The following CREBRF variants were observed in gnomAD, a reference collection of about 807,000 sequenced individuals.
CREBRF encodes the protein UPF0474 protein C5orf41.
Under a neutral mutation model 66.1 loss-of-function variants are expected in CREBRF, and 5 were observed. That is an observed-to-expected ratio of 0.08 (90% CI 0.04 to 0.16). The LOEUF (loss-of-function observed/expected upper bound fraction) is 0.16, where lower values mean the gene tolerates loss of function less well. Ranked by LOEUF, CREBRF falls within the 10% of genes least tolerant of loss-of-function variation. The pLI, the probability that CREBRF is intolerant of heterozygous loss-of-function variation, is 1.00. For missense variants in CREBRF, 531 were observed against 744.9 expected (o/e 0.71, Z 3.34); for synonymous variants, 229 against 264.4 (o/e 0.87, Z 1.30).
intron 8 of CREBRF, among the ~76,000 whole-genome samples, chr5:173,127,966 C>T (rs1581051002): frequency 6.6e-6 from 1 of 151,960 alleles, no homozygotes; most frequent in East Asian, 1.9e-4. Flanking sequence ...TCTGTTCTCC[C>T]TTATTTCTTG....
In CREBRF at chr5:173,107,171, T is replaced by C. The variant is rs370693954; in HGVS notation, c.1223-1453T>C. On this transcript the variant is annotated intron_variant, in intron 4 of 8. Coordinates refer to ENST00000296953, the MANE Select transcript of CREBRF (RefSeq NM_153607.3). The stretch of plus-strand genomic sequence containing the variant: ...AAGCATGCTCCTGATTCATTCTTTG[T>C]CTGGAGAAAACTTAGTTCCTCAAAG... Among the ~76,000 whole-genome samples the C allele has an allele frequency of 2.0e-4, 30 of 152,354 alleles. No individual in the cohort carries two copies. The South Asian group carries it at 5.8e-3, about 29-fold the overall frequency.
At chr5:173,117,096 G>A (rs549970071) in intron 7 of CREBRF, among the ~76,000 whole-genome samples, 40 of 152,074 alleles carry the variant, frequency 2.6e-4, no homozygotes, top group African/African-American at 9.4e-4. Context: ...TCTTTATTCT[G>A]GGCCGGTCGC....
intron 7 of CREBRF, among the ~76,000 whole-genome samples, chr5:173,112,769 A>C (rs1284108791): frequency 1.3e-5 from 2 of 152,238 alleles, no homozygotes; most frequent in Non-Finnish European, 2.9e-5. Flanking sequence ...TTACTGGATT[A>C]GCCAGTTTTG....
chr5:173,091,734 T>C (rs1332148838), intron 4 of CREBRF: 1 of 1,016,406 alleles, frequency 9.8e-7, no homozygotes, highest in Non-Finnish European at 1.2e-6. Flanking sequence ...GTGACCTGTT[T>C]TGTCACTCTC....
chr5:173,077,852 A>G (rs1757812296), intron 1 of CREBRF, among the ~76,000 whole-genome samples: 1 of 152,156 alleles, frequency 6.6e-6, no homozygotes. Context: ...TATTTTACTT[A>G]CCATAATGTT....
intron 4 of CREBRF, among the ~76,000 whole-genome samples, chr5:173,106,231 C>T (rs1315744974): frequency 1.3e-5 from 2 of 151,458 alleles, no homozygotes; most frequent in African/African-American, 2.4e-5. Flanking sequence ...AGATCGAAAC[C>T]ATCCTGGCTA....
chr5:173,063,039 G>A (rs1001980822), intron 1 of CREBRF, among the ~76,000 whole-genome samples: 2 of 152,008 alleles, frequency 1.3e-5, no homozygotes, highest in African/African-American at 2.4e-5. Context: ...GAGCCACCGC[G>A]CCCAGCCTGT....
At chr5:173,070,613 C>G (rs1466629770) in intron 1 of CREBRF, among the ~76,000 whole-genome samples, 1 of 151,752 alleles carries the variant, frequency 6.6e-6, no homozygotes, top group African/African-American at 2.4e-5. Context: ...TCCTCTCTTC[C>G]CTAGATAATA....
intron 1 of CREBRF, among the ~76,000 whole-genome samples, chr5:173,076,057 C>CAAAAA (rs35215379): frequency 2.2e-5 from 2 of 92,546 alleles, no homozygotes; most frequent in African/African-American, 4.1e-5. Context: ...CCCATCTCTA[C>CAAAAA]AAAAAAAAAA....
rs112789821 is a variant in CREBRF, at chr5:173,085,549, T to TG, written c.10-949dup. On this transcript the variant is annotated intron_variant, in intron 2 of 8. Coordinates refer to ENST00000296953, the MANE Select transcript of CREBRF (RefSeq NM_153607.3). ...CTCCTACCTCAGCCTCCTGAGTAGC[T>TG]GGGATTACAGGTGCCTGCCAGCACG... is the stretch of plus-strand genomic sequence containing the variant. The TG allele has an allele frequency of 1.3e-3, 724 of 552,784 alleles. 3 individuals are homozygous for TG. Among genetic ancestry groups the TG allele is most frequent in the African/African-American group, 0.012 (619 of 52,732 alleles). The allele number at this position is 552,784 out of a possible 1,614,324, so 34.2% of individuals were successfully genotyped here.
intron 4 of CREBRF, among the ~76,000 whole-genome samples, chr5:173,104,721 G>T (rs1425312977): frequency 1.3e-5 from 2 of 148,808 alleles, no homozygotes; most frequent in African/African-American, 5.2e-5. Flanking sequence ...CAGAGAGAGA[G>T]AGAGAGAGAG....
chr5:173,070,099 G>C (rs1757554873), intron 1 of CREBRF, among the ~76,000 whole-genome samples: 2 of 152,158 alleles, frequency 1.3e-5, no homozygotes, highest in African/African-American at 4.8e-5. Context: ...CGCCATGTTG[G>C]CCAGGCTGGT....
Position 173,134,629 on chromosome 5 carries a change from A to G in CREBRF, c.*884A>G, listed in dbSNP as rs1288803189. The G allele has an allele frequency of 6.5e-6, 1 of 152,912 alleles. No individual in the cohort carries two copies. Among genetic ancestry groups the G allele is most frequent in the Non-Finnish European group, 1.5e-5 (1 of 68,192 alleles). The allele number at this position is 152,912 out of a possible 1,614,324, so 9.5% of individuals were successfully genotyped here. A position where few individuals can be genotyped will look rare whatever the true frequency, so the allele number is the denominator to read the frequency against. On this transcript the variant is annotated 3_prime_UTR_variant, in exon 9 of 9. Transcript: ENST00000296953. ...ACCGGAAGAAGACAAATACTTGCAC[A>G]TTATTGCGATTGTTTTATTTTTTGT...
In CREBRF at chr5:173,135,947, G is replaced by T. The variant is rs1182003943; in HGVS notation, c.*2202G>T. 2 of 152,428 alleles carry T rather than the reference G, an allele frequency of 1.3e-5. No homozygotes were observed. Among genetic ancestry groups the T allele is most frequent in the African/African-American group, 2.4e-5 (1 of 41,438 alleles). 9.4% of individuals were successfully genotyped at this position (152,428 alleles called of 1,614,324 possible). On this transcript the variant is annotated 3_prime_UTR_variant, in exon 9 of 9. Coordinates refer to ENST00000296953, the MANE Select transcript of CREBRF (RefSeq NM_153607.3). ...TAAGCTCAAGTCTGATGGTTTAATA[G>T]AATGTAAGTTCATCGTTTAAAGCTT...
At chr5:173,112,258 T>C (rs1758887771) in intron 6 of CREBRF, 48 bp from the exon 7 acceptor site, 1 of 1,351,176 alleles carries the variant, frequency 7.4e-7, no homozygotes, top group African/African-American at 1.5e-5. Flanking sequence ...AATAATAAAA[T>C]TAAAATTAAG....
chr5:173,056,901 G>T (rs1353182956), intron 1 of CREBRF, among the ~76,000 whole-genome samples: 1 of 151,800 alleles, frequency 6.6e-6, no homozygotes, highest in South Asian at 2.1e-4. Flanking sequence ...CCCGGGAGGG[G>T]AGGGGAGGCG....
At chr5:173,127,483 G>A (rs1286337326) in intron 8 of CREBRF, among the ~76,000 whole-genome samples, 1 of 141,936 alleles carries the variant, frequency 7.0e-6, no homozygotes, top group African/African-American at 2.6e-5. Context: ...TTTTTGAGAT[G>A]GGGTCTCGCT....
At chr5:173,068,906 T>C (rs1483651324) in intron 1 of CREBRF, among the ~76,000 whole-genome samples, 1 of 148,312 alleles carries the variant, frequency 6.7e-6, no homozygotes, top group African/African-American at 2.5e-5. Flanking sequence ...CCATCAGTAC[T>C]GAAAAAAAAA....
Position 173,123,175 on chromosome 5 carries a change from C to T in CREBRF, c.1777C>T (p.Leu593Phe). The T allele has an allele frequency of 6.3e-7, 1 of 1,598,740 alleles. No homozygotes were observed. Among genetic ancestry groups the T allele is most frequent in the Non-Finnish European group, 8.5e-7 (1 of 1,176,254 alleles). The change falls in exon 8 of 9, where the codon CTT becomes TTT. Residue 593 changes from leucine to phenylalanine, a missense_variant. Coordinates refer to ENST00000296953, the MANE Select transcript of CREBRF (RefSeq NM_153607.3). ...DERGPNMGQK[L>F]EILIKDTLGL... ...GAGAGGACCCAACATGGGGCAGAAG[C>T]TTGAAATCCTCATTAAAGATACTCT...
Sources: allele counts gnomAD v4.1 joint callset (sites outside exome capture counted in the v4.1 genomes callset), GRCh38; gene constraint gnomAD v4.1.1; transcripts MANE v1.5; gene names NCBI Gene and HGNC (gene_info 2026-07-23, HGNC 2026-07-21).